DDX1: variants seen among roughly 807,000 people sequenced by gnomAD.
DDX1 encodes ATP-dependent RNA helicase DDX1.
A neutral mutation model predicts 108.7 loss-of-function variants in DDX1; 28 were observed. The ratio of observed to expected loss-of-function variants is 0.26; its 90% CI spans 0.19 to 0.35. The LOEUF (loss-of-function observed/expected upper bound fraction) is 0.35. Among genes scored for constraint, DDX1 ranks in the 10% least tolerant of loss-of-function variants. The pLI is 1.00. For missense variants in DDX1, 710 were observed against 884.5 expected, an observed-to-expected ratio of 0.80 and a Z score of 2.50; for synonymous variants, 295 against 288.9, an observed-to-expected ratio of 1.02 and a Z score of -0.21.
chr2:15,610,859 CTTGT>C (rs752595758), intron 13 of DDX1, among the ~76,000 whole-genome samples: 4 of 79,988 alleles, frequency 5.0e-5, no homozygotes, highest in African/African-American at 8.4e-5. Context: ...CTTCCCCAGA[CTTGT>C]TTTTTTTTTT....
At chr2:15,593,053 T>C (rs530487603) in intron 1 of DDX1, among the ~76,000 whole-genome samples, 120 of 152,200 alleles carry the variant, frequency 7.9e-4, no homozygotes, top group Non-Finnish European at 1.1e-3. Context: ...CCTGAGTAGC[T>C]GGGATTACAG....
At chr2:15,599,997 C>T (rs1317090841) in intron 6 of DDX1, among the ~76,000 whole-genome samples, 4 of 150,994 alleles carry the variant, frequency 2.6e-5, no homozygotes, top group African/African-American at 9.7e-5. Context: ...CACGATCCAT[C>T]TGGAGCAATA....
intron 19 of DDX1, among the ~76,000 whole-genome samples, chr2:15,623,880 A>C (rs1304626417): frequency 6.6e-6 from 1 of 152,194 alleles, no homozygotes; most frequent in Non-Finnish European, 1.5e-5. Flanking sequence ...AAATATGATC[A>C]CTGAAATAAT....
chr2:15,597,716 C>T (rs1041639818), intron 5 of DDX1, among the ~76,000 whole-genome samples: 11 of 152,136 alleles, frequency 7.2e-5, no homozygotes, highest in African/African-American at 2.7e-4. Context: ...TTGGAGATTA[C>T]ATTTCAATAT....
At position 15,599,735 on chromosome 2, in the gene DDX1, C is replaced by T; in HGVS notation, c.307+19C>T. The T allele has an allele frequency of 6.3e-7, 1 of 1,576,914 alleles. No homozygotes were observed. The highest frequency in any genetic ancestry group is 8.7e-7 in the Non-Finnish European group (1 of 1,154,588). On this transcript the variant is annotated intron_variant, in intron 6 of 25. Transcript: ENST00000233084. Reference sequence around the variant, plus strand: ...GCTTTTGGTAAGTGGATAGACTTTCCATCAGCTCATTTGTAATTCAGAAAC... The same window carrying T: ...GCTTTTGGTAAGTGGATAGACTTTCTATCAGCTCATTTGTAATTCAGAAAC...
Position 15,621,996 on chromosome 2 carries a change from C to A in DDX1, c.1447+880C>A, listed in dbSNP as rs574902377. Among the ~76,000 whole-genome samples the A allele has an allele frequency of 3.0e-4, 45 of 152,226 alleles. No homozygotes were observed. The South Asian group carries it at 9.1e-3, about 31-fold the overall frequency. ...TCTAATTCTCATCATAGGAAAACAGCGAATTTTTCTAGAGAGATTATTTTA... is the reference window on the plus strand; with the variant it reads ...TCTAATTCTCATCATAGGAAAACAGAGAATTTTTCTAGAGAGATTATTTTA... On this transcript the variant is annotated intron_variant, in intron 18 of 25. Transcript: ENST00000233084.
In DDX1 at chr2:15,609,698, AG is replaced by A. The variant is rs1248496573; in HGVS notation, c.956+2388del. On this transcript the variant is annotated intron_variant, in intron 13 of 25. Transcript: ENST00000233084. The stretch of plus-strand genomic sequence containing the variant: ...TGTGTTTACCTTCTGCCAAGTTTAT[AG>A]GGATAAATATATCTGATTATAAATG... Among the ~76,000 whole-genome samples the A allele has an allele frequency of 3.3e-5, 5 of 152,198 alleles. No homozygotes were observed. The East Asian group carries it at 5.8e-4, about 18-fold the overall frequency.
chr2:15,598,661 C>T (rs1023064516), intron 5 of DDX1, among the ~76,000 whole-genome samples: 2 of 152,122 alleles, frequency 1.3e-5, no homozygotes, highest in African/African-American at 4.8e-5. Flanking sequence ...AAGGGAAAAC[C>T]TCAAAGTTAT....
At chr2:15,616,665 TGCCTGTTCATTATAA>T (rs1345090073) in intron 14 of DDX1, among the ~76,000 whole-genome samples, 1 of 152,208 alleles carries the variant, frequency 6.6e-6, no homozygotes, top group Non-Finnish European at 1.5e-5. Flanking sequence ...TTTTGCAGAG[TGCCTGTTCATTATAA>T]GTACTTGACA....
intron 7 of DDX1, 97 bp downstream of exon 7, chr2:15,602,728 T>A: frequency 7.8e-6 from 7 of 898,374 alleles, no homozygotes; most frequent in Non-Finnish European, 1.2e-5. Flanking sequence ...TGAGATGGAG[T>A]CTCGCACGTC....
Position 15,603,711 on chromosome 2 carries a change from G to A in DDX1, c.476-103G>A, listed in dbSNP as rs564481227. 1.3e-5 allele frequency: 10 copies of A among 764,288 alleles called. No homozygotes were observed. In the East Asian group the frequency reaches 2.3e-4, roughly 17 times the overall value. 47.3% of individuals were successfully genotyped at this position (764,288 alleles called of 1,614,324 possible). ...AACTTAGGGAATAGTTTTCCTGTGGGTTTATGAAATGGACATACTATGTGA... is the reference window on the plus strand; with the variant it reads ...AACTTAGGGAATAGTTTTCCTGTGGATTTATGAAATGGACATACTATGTGA... On this transcript the variant is annotated intron_variant, in intron 8 of 25. Transcript: ENST00000233084.
At chr2:15,613,004 AGGGAGAGGGAGACCGTG>A (rs1665804085) in intron 13 of DDX1, among the ~76,000 whole-genome samples, 2 of 139,832 alleles carry the variant, frequency 1.4e-5, no homozygotes, top group South Asian at 5.0e-4. Flanking sequence ...GTGGAAAGAG[AGGGAGAGGGAGACCGTG>A]GGGAGAGGGA....
chr2:15,620,279 T>C lies in DDX1; in HGVS notation c.1278T>C (p.Pro426=), dbSNP rs1665976470. 1 of 1,614,056 alleles carries C rather than the reference T, an allele frequency of 6.2e-7. No individual in the cohort carries two copies. Among genetic ancestry groups the C allele is most frequent in the Non-Finnish European group, 8.5e-7 (1 of 1,179,940 alleles). Residue 426 remains proline, a synonymous_variant, in exon 17 of 26, where the codon CCT becomes CCC. Coordinates refer to ENST00000233084, the MANE Select transcript of DDX1 (RefSeq NM_004939.3). ...KKLSEKIMHF[P]TWVDLKGEDS... is the part of the protein sequence containing the mutation. ...TGTCCGAGAAGATAATGCATTTTCC[T>C]ACATGGGTTGACTTAAAAGGAGAAG... is the stretch of plus-strand genomic sequence containing the variant.
At chr2:15,602,800 A>G (rs574821529) in intron 7 of DDX1, among the ~76,000 whole-genome samples, 169 bp downstream of exon 7, 1 of 152,102 alleles carries the variant, frequency 6.6e-6, no homozygotes, top group South Asian at 2.1e-4. Flanking sequence ...TGCAACCTCC[A>G]CCTCCCGGGT....
chr2:15,611,805 C>G (rs1238520102), intron 13 of DDX1, among the ~76,000 whole-genome samples: 1 of 113,846 alleles, frequency 8.8e-6, no homozygotes, highest in Non-Finnish European at 1.8e-5. Flanking sequence ...CCCCACCTCC[C>G]TCCCGGACGG....
rs10183860 is a variant in DDX1, at chr2:15,608,442, G to T, written c.956+1129G>T. Among the ~76,000 whole-genome samples, 1,265 of 151,552 alleles carry T rather than the reference G, an allele frequency of 8.3e-3. 22 individuals carry two copies. Among genetic ancestry groups the T allele is most frequent in the African/African-American group, 0.029 (1,208 of 41,272 alleles). ...CTCGGGAGGCCAAGGCATGAGAATT[G>T]CTTGAACCCAGGAGGTGGAGGTTGC... On this transcript the variant is annotated intron_variant, in intron 13 of 25. Transcript: ENST00000233084.
chr2:15,615,876 T>TTA (rs1342647497), intron 14 of DDX1, among the ~76,000 whole-genome samples: 1 of 152,012 alleles, frequency 6.6e-6, no homozygotes, highest in Non-Finnish European at 1.5e-5. Context: ...TATACACACT[T>TTA]TATATATTTT....
intron 5 of DDX1, among the ~76,000 whole-genome samples, chr2:15,598,945 A>G (rs1412673959): frequency 6.6e-6 from 1 of 150,936 alleles, no homozygotes; most frequent in Admixed American, 6.6e-5. Context: ...TTTTTTTTTG[A>G]TAGTTACAAG....
chr2:15,603,077 A>G (rs1159532291), intron 7 of DDX1, 115 bp from the exon 8 acceptor site: 4 of 696,550 alleles, frequency 5.7e-6, no homozygotes, highest in South Asian at 4.0e-5. Flanking sequence ...AAATATACCT[A>G]TAATTCTTCA....
Sources: gnomAD v4.1 joint callset for allele counts (sites outside exome capture counted in the v4.1 genomes callset) on GRCh38, gnomAD v4.1.1 for gene constraint, MANE v1.5 for transcripts, NCBI Gene and HGNC (gene_info 2026-07-23, HGNC 2026-07-21) for gene names.